The following SRPK2 variants were observed in gnomAD, a reference collection of about 807,000 sequenced individuals.
SRPK2 encodes the protein SFRS protein kinase 2.
SRPK2 carries 21 observed loss-of-function variants against 90.8 expected under a neutral mutation model. That is an observed-to-expected ratio of 0.23 (90% CI 0.16 to 0.33). The LOEUF (loss-of-function observed/expected upper bound fraction) is 0.33. SRPK2 is among the 10% of genes least tolerant of loss of function. The probability of loss-of-function intolerance (pLI) is 1.00; values close to 1 mark genes in which losing one functional copy is unlikely to be tolerated. For missense variants in SRPK2, 620 were observed against 869.0 expected (o/e 0.71, Z 3.60); for synonymous variants, 288 against 311.1 (o/e 0.93, Z 0.78).
intron 2 of SRPK2, among the ~76,000 whole-genome samples, chr7:105,274,506 G>A (rs929644910): frequency 1.3e-5 from 2 of 149,920 alleles, no homozygotes; most frequent in African/African-American, 4.9e-5. Flanking sequence ...AGGTTGCAGT[G>A]AGCCGAGATC....
At chr7:105,222,466 A>C (rs1448849356) in intron 2 of SRPK2, among the ~76,000 whole-genome samples, 1 of 152,268 alleles carries the variant, frequency 6.6e-6, no homozygotes, top group African/African-American at 2.4e-5. Flanking sequence ...TTAACCAAAC[A>C]ATAACTGAAG....
chr7:105,227,162 T>A (rs1585251143), intron 2 of SRPK2, among the ~76,000 whole-genome samples: 1 of 151,966 alleles, frequency 6.6e-6, no homozygotes, highest in African/African-American at 2.4e-5. Context: ...AACTCAGTAA[T>A]AAAAAAAGAC....
intron 2 of SRPK2, among the ~76,000 whole-genome samples, chr7:105,218,730 T>C (rs1432789179): frequency 6.6e-6 from 1 of 152,284 alleles, no homozygotes; most frequent in East Asian, 1.9e-4. Context: ...TAAATAATCA[T>C]ACCACAATGT....
intron 7 of SRPK2, among the ~76,000 whole-genome samples, chr7:105,157,653 A>G (rs1053078109): frequency 2.6e-5 from 4 of 152,248 alleles, no homozygotes; most frequent in Admixed American, 2.0e-4. Context: ...AACACTGCAT[A>G]TAAGAACAAA....
Position 105,362,236 on chromosome 7 carries a change from T to C in SRPK2, c.71+26412A>G, listed in dbSNP as rs928618175. On this transcript the variant is annotated intron_variant, in intron 2 of 15. Coordinates refer to ENST00000393651, the MANE Select transcript of SRPK2 (RefSeq NM_182692.3). ...CAGACACATGAAAAAATGTTCATCATCACTGGCCATCAGAGAAATGCAAAT... is the reference window on the plus strand; with the variant it reads ...CAGACACATGAAAAAATGTTCATCACCACTGGCCATCAGAGAAATGCAAAT... Among the ~76,000 whole-genome samples, 103 of 152,124 alleles carry C rather than the reference T, an allele frequency of 6.8e-4. 1 individual carries two copies. Among genetic ancestry groups the C allele is most frequent in the Non-Finnish European group, 8.7e-4 (59 of 68,020 alleles).
At chr7:105,340,751 AT>A (rs1306875373) in intron 2 of SRPK2, among the ~76,000 whole-genome samples, 3 of 152,080 alleles carry the variant, frequency 2.0e-5, no homozygotes, top group African/African-American at 7.2e-5. Context: ...GCCACAGCAG[AT>A]TTTCTTAAAA....
At chr7:105,368,089 A>C (rs1287355787) in intron 2 of SRPK2, among the ~76,000 whole-genome samples, 9 of 152,242 alleles carry the variant, frequency 5.9e-5, no homozygotes, top group Non-Finnish European at 2.9e-5. Flanking sequence ...AGTGGAGCCA[A>C]GGAAAAGAGG....
chr7:105,141,867 T>G, intron 11 of SRPK2, 141 bp downstream of exon 11: 1 of 881,662 alleles, frequency 1.1e-6, no homozygotes, highest in Non-Finnish European at 1.7e-6. Context: ...ACATTACTTC[T>G]TCAGGAGTAT....
At chr7:105,216,553 C>T (rs1797490483) in intron 2 of SRPK2, among the ~76,000 whole-genome samples, 1 of 151,572 alleles carries the variant, frequency 6.6e-6, no homozygotes, top group South Asian at 2.1e-4. Context: ...ACTCAGGAGG[C>T]TGAAGCAGGA....
intron 1 of SRPK2, among the ~76,000 whole-genome samples, chr7:105,396,401 G>A (rs1016817575): frequency 6.6e-6 from 1 of 151,680 alleles, no homozygotes; most frequent in South Asian, 2.1e-4. Flanking sequence ...ACTTTGGGAG[G>A]CTGAGGCAGG....
At chr7:105,144,333 T>C (rs554862888) in intron 9 of SRPK2, among the ~76,000 whole-genome samples, 65 of 151,212 alleles carry the variant, frequency 4.3e-4, no homozygotes, top group Non-Finnish European at 8.3e-4. Context: ...CGTTACCTCC[T>C]GGGCTCAAGT....
chr7:105,352,668 G>A (rs569533625), intron 2 of SRPK2, among the ~76,000 whole-genome samples: 126 of 152,370 alleles, frequency 8.3e-4, no homozygotes, highest in Middle Eastern at 3.4e-3. Context: ...GGGAGGCCAA[G>A]GTGGGCAGAT....
upstream of SRPK2, chr7:105,389,392 G>C (rs750235025): frequency 1.6e-6 from 2 of 1,245,804 alleles, no homozygotes; most frequent in Non-Finnish European, 1.0e-6. Flanking sequence ...CCTCCTCTCC[G>C]GCAGGCGTGG....
chr7:105,197,572 G>C (rs975617538), intron 3 of SRPK2, among the ~76,000 whole-genome samples: 1 of 152,088 alleles, frequency 6.6e-6, no homozygotes, highest in South Asian at 2.1e-4. Context: ...AACAAAATAC[G>C]TACTGCATTA....
At chr7:105,201,820 G>A (rs1334800080) in intron 3 of SRPK2, among the ~76,000 whole-genome samples, 1 of 152,028 alleles carries the variant, frequency 6.6e-6, no homozygotes, top group Non-Finnish European at 1.5e-5. Flanking sequence ...GGAGGTTGAG[G>A]CTGCAGTGAG....
rs1007863864 is a variant in SRPK2 at position 105,259,996 on chromosome 7, A to C, written c.72-56211T>G. Among the ~76,000 whole-genome samples, 11 of 152,326 alleles carry C rather than the reference A, an allele frequency of 7.2e-5. 1 individual carries two copies. Among genetic ancestry groups the C allele is most frequent in the African/African-American group, 2.6e-4 (11 of 41,574 alleles). ...CATGGGCAAAGACTTCACGACTAAA[A>C]CACCAAAAGCAATGGCAACAAAAGT... On this transcript the variant is annotated intron_variant, in intron 2 of 15. Coordinates refer to ENST00000393651, the MANE Select transcript of SRPK2 (RefSeq NM_182692.3).
chr7:105,244,640 A>G, intron 2 of SRPK2: 1 of 778,394 alleles, frequency 1.3e-6, no homozygotes, highest in Non-Finnish European at 2.2e-6. Context: ...CCGCCTTTGG[A>G]GAGCAGCAGC....
chr7:105,162,360 A>T (rs922499545), intron 6 of SRPK2, among the ~76,000 whole-genome samples: 16 of 152,142 alleles, frequency 1.1e-4, no homozygotes, highest in South Asian at 4.2e-4. Flanking sequence ...ATTTTTTTTT[A>T]AAATAGGTAT....
intron 2 of SRPK2, among the ~76,000 whole-genome samples, chr7:105,338,409 T>A (rs993246085): frequency 1.3e-5 from 2 of 152,150 alleles, no homozygotes; most frequent in African/African-American, 4.8e-5. Context: ...CACGGCTGAC[T>A]GATTTTTTTG....
Sources: allele counts gnomAD v4.1 joint callset (sites outside exome capture counted in the v4.1 genomes callset), GRCh38; gene constraint gnomAD v4.1.1; transcripts MANE v1.5; gene names NCBI Gene and HGNC (gene_info 2026-07-23, HGNC 2026-07-21).